RSPO2: variants seen among roughly 807,000 people sequenced by gnomAD.
RSPO2 encodes R-spondin 2.
RSPO2 carries 14 observed loss-of-function variants against 30.9 expected under a neutral mutation model. The ratio of observed to expected loss-of-function variants is 0.45; its 90% CI spans 0.30 to 0.71. The LOEUF is 0.71. Ranked by LOEUF, RSPO2 falls within the 30% of genes least tolerant of loss-of-function variation. The pLI, the probability that RSPO2 is intolerant of heterozygous loss-of-function variation, is 0.08. For missense variants in RSPO2, 264 were observed against 301.9 expected (o/e 0.87, Z 0.93); for synonymous variants, 107 against 96.4 (o/e 1.11, Z -0.64).
At chr8:108,071,425 G>A (rs1457693797) in intron 2 of RSPO2, among the ~76,000 whole-genome samples, 1 of 152,078 alleles carries the variant, frequency 6.6e-6, no homozygotes, top group African/African-American at 2.4e-5. Flanking sequence ...TAGTGCTTCT[G>A]GGAACGACTG....
At chr8:107,962,579 T>C (rs74792024) in intron 3 of RSPO2, among the ~76,000 whole-genome samples, 3,441 of 152,290 alleles carry the variant, frequency 0.023, 65 homozygotes, top group Middle Eastern at 0.034. Context: ...TAGTCTTACA[T>C]GCTGTAACCT....
At chr8:107,964,315 T>C (rs955819049) in intron 3 of RSPO2, among the ~76,000 whole-genome samples, 1 of 152,268 alleles carries the variant, frequency 6.6e-6, no homozygotes, top group African/African-American at 2.4e-5. Flanking sequence ...CAATCTCGGC[T>C]CACTGCGACC....
intron 2 of RSPO2, among the ~76,000 whole-genome samples, chr8:107,993,634 T>C (rs1439562977): frequency 6.6e-6 from 1 of 152,154 alleles, no homozygotes; most frequent in Non-Finnish European, 1.5e-5. Context: ...ATTAGTTTCC[T>C]TGGGCTGCTG....
At chr8:107,943,132 G>A (rs1386786777) in intron 5 of RSPO2, among the ~76,000 whole-genome samples, 1 of 152,178 alleles carries the variant, frequency 6.6e-6, no homozygotes, top group Non-Finnish European at 1.5e-5. Context: ...ACAAAATGCC[G>A]AGCCCAACAT....
chr8:108,038,738 C>G, intron 2 of RSPO2, among the ~76,000 whole-genome samples: 1 of 151,926 alleles, frequency 6.6e-6, no homozygotes, highest in Middle Eastern at 3.2e-3. Flanking sequence ...TCAGTGAAGG[C>G]TCAGATGATT....
chr8:107,954,169 G>T (rs1167303121), intron 5 of RSPO2, among the ~76,000 whole-genome samples: 2 of 152,170 alleles, frequency 1.3e-5, no homozygotes, highest in East Asian at 3.8e-4. Context: ...ATTTCAGATT[G>T]AGATCATGAT....
chr8:108,034,711 C>G (rs1173645976), intron 2 of RSPO2, among the ~76,000 whole-genome samples: 1 of 152,120 alleles, frequency 6.6e-6, no homozygotes, highest in Non-Finnish European at 1.5e-5. Flanking sequence ...TGTGAGTCCA[C>G]AGTAGCATCA....
At chr8:108,059,139 A>C (rs1379731245) in intron 2 of RSPO2, among the ~76,000 whole-genome samples, 3 of 151,802 alleles carry the variant, frequency 2.0e-5, no homozygotes, top group Non-Finnish European at 4.4e-5. Flanking sequence ...CAATGAACTC[A>C]AACAAATTTA....
chr8:107,952,080 T>C (rs985719572), intron 5 of RSPO2, among the ~76,000 whole-genome samples: 1 of 152,054 alleles, frequency 6.6e-6, no homozygotes, highest in African/African-American at 2.4e-5. Flanking sequence ...AAAGTGAGGG[T>C]GGGCTGGGGA....
At chr8:108,070,406 C>A (rs1812807661) in intron 2 of RSPO2, among the ~76,000 whole-genome samples, 1 of 150,778 alleles carries the variant, frequency 6.6e-6, no homozygotes, top group Non-Finnish European at 1.5e-5. Flanking sequence ...CATTCTCCTG[C>A]CTCAGCCTCC....
rs201803189 is a variant in RSPO2, at chr8:108,081,784, T to C, written c.94+761A>G. On this transcript the variant is annotated intron_variant, in intron 2 of 5. Coordinates refer to ENST00000276659, the MANE Select transcript of RSPO2 (RefSeq NM_178565.5). ...GTTAAAAAGCCGCAAGTGAATTTCA[T>C]TGAGAACAGAAGCCTCCACCGGTGT... 18 of 406,978 alleles carry C rather than the reference T, an allele frequency of 4.4e-5. No individual in the cohort carries two copies. In the East Asian group the frequency reaches 1.6e-3, roughly 37 times the overall value. 25.2% of individuals were successfully genotyped at this position (406,978 alleles called of 1,614,324 possible).
At chr8:107,922,495 A>G (rs1391086131) in intron 5 of RSPO2, among the ~76,000 whole-genome samples, 1 of 152,188 alleles carries the variant, frequency 6.6e-6, no homozygotes. Context: ...GGAATAATCA[A>G]TATCACTAAA....
At chr8:107,987,352 T>G (rs1364250857) in intron 3 of RSPO2, among the ~76,000 whole-genome samples, 2 of 152,238 alleles carry the variant, frequency 1.3e-5, no homozygotes, top group Non-Finnish European at 2.9e-5. Context: ...TTTAGTTCAC[T>G]GCCTACTCAG....
chr8:107,924,620 G>C (rs1383123201), intron 5 of RSPO2, among the ~76,000 whole-genome samples: 1 of 151,976 alleles, frequency 6.6e-6, no homozygotes, highest in Non-Finnish European at 1.5e-5. Context: ...TTAATGTATA[G>C]TAATTAAGAG....
chr8:107,916,793 C>T (rs1442083490), intron 5 of RSPO2, among the ~76,000 whole-genome samples: 1 of 152,066 alleles, frequency 6.6e-6, no homozygotes, highest in Non-Finnish European at 1.5e-5. Context: ...TAATGAGGGG[C>T]CAGAATCTCA....
chr8:107,936,863 T>G (rs1240627214), intron 5 of RSPO2, among the ~76,000 whole-genome samples: 1 of 152,194 alleles, frequency 6.6e-6, no homozygotes, highest in African/African-American at 2.4e-5. Flanking sequence ...TTTATTGTTG[T>G]TTGAGATCTT....
intron 5 of RSPO2, among the ~76,000 whole-genome samples, chr8:107,902,256 A>T (rs1811500937): frequency 6.6e-6 from 1 of 152,106 alleles, no homozygotes; most frequent in Non-Finnish European, 1.5e-5. Flanking sequence ...AACAAGAAAG[A>T]ATCCTGTTGG....
chr8:108,031,952 A>G (rs2130636462), intron 2 of RSPO2, among the ~76,000 whole-genome samples: 1 of 152,322 alleles, frequency 6.6e-6, no homozygotes, highest in Non-Finnish European at 1.5e-5. Context: ...TTAGATTGGC[A>G]GAGAACAGTA....
chr8:107,989,040 A>T lies in RSPO2; in HGVS notation c.283+16T>A. 1.3e-6 allele frequency: 2 copies of T among 1,586,014 alleles called. No homozygotes were observed. Among genetic ancestry groups the T allele is most frequent in the Non-Finnish European group, 1.7e-6 (2 of 1,171,948 alleles). The stretch of plus-strand genomic sequence containing the variant: ...GCATATCCAGCAATACAGGATAGAC[A>T]AAACCAAATGCTCACTTGCACATCT... On this transcript the variant is annotated intron_variant, in intron 3 of 5. Coordinates refer to ENST00000276659, the MANE Select transcript of RSPO2 (RefSeq NM_178565.5).
Sources: gnomAD v4.1 joint callset for allele counts (sites outside exome capture counted in the v4.1 genomes callset) on GRCh38, gnomAD v4.1.1 for gene constraint, MANE v1.5 for transcripts, NCBI Gene and HGNC (gene_info 2026-07-23, HGNC 2026-07-21) for gene names.